EFCAB7: variants seen among roughly 807,000 people sequenced by gnomAD.
EFCAB7 encodes the protein EF-hand calcium-binding domain-containing protein 7.
Under a neutral mutation model 77.1 loss-of-function variants are expected in EFCAB7, and 66 were observed. The observed-to-expected ratio is 0.86, with a 90% CI of 0.70 to 1.05. EFCAB7 has a LOEUF of 1.05. EFCAB7 is among the 50% of genes least tolerant of loss of function. EFCAB7 has a pLI of 0.00. For synonymous variants in EFCAB7, 225 were observed against 243.3 expected (o/e 0.92, Z 0.70); for missense variants, 638 against 730.5 (o/e 0.87, Z 1.46).
At chr1:63,549,466 G>C (rs1288688834) in intron 7 of EFCAB7, 1 of 458,744 alleles carries the variant, frequency 2.2e-6, no homozygotes, top group East Asian at 7.0e-5. Context: ...TTACTCAGAG[G>C]ACTACAGGAG....
At chr1:63,552,858 G>T (rs1172769926) in intron 8 of EFCAB7, among the ~76,000 whole-genome samples, 4 of 152,156 alleles carry the variant, frequency 2.6e-5, no homozygotes, top group Non-Finnish European at 5.9e-5. Context: ...AATAAAATTG[G>T]CTGAAGTTAA....
chr1:63,580,330 C>T, the EFCAB7 span, among the ~76,000 whole-genome samples: 1 of 152,094 alleles, frequency 6.6e-6, no homozygotes, highest in African/African-American at 2.4e-5. Context: ...TATCCTTTCT[C>T]CATTAAATTG....
chr1:63,525,759 G>A lies in EFCAB7; in HGVS notation c.187G>A (p.Ala63Thr). ...TATTTCTAAAGATCAACTTTACTTA[G>A]GTAAATTTTTAAAATTTTTAAATCT... is the stretch of plus-strand genomic sequence containing the variant. Reference protein sequence around the residue: ...NIISKDQLYLALQHAGRNPSQ... With the variant: ...NIISKDQLYLTLQHAGRNPSQ... The change falls in exon 2 of 14, where the codon GCT (alanine) becomes ACT (threonine). Residue 63 changes from alanine to threonine, a missense_variant and splice_region_variant. Coordinates refer to ENST00000371088, the MANE Select transcript of EFCAB7 (RefSeq NM_032437.4). The A allele has an allele frequency of 6.5e-7, 1 of 1,545,974 alleles. No individual in the cohort carries two copies. Among genetic ancestry groups the A allele is most frequent in the Non-Finnish European group, 8.6e-7 (1 of 1,156,492 alleles).
intron 8 of EFCAB7, among the ~76,000 whole-genome samples, chr1:63,554,133 G>A (rs1342095609): frequency 6.6e-6 from 1 of 151,988 alleles, no homozygotes; most frequent in African/African-American, 2.4e-5. Flanking sequence ...TTATACCTGG[G>A]TTTTAAAAGG....
chr1:63,583,297 C>T, the EFCAB7 span, among the ~76,000 whole-genome samples: 2 of 152,098 alleles, frequency 1.3e-5, no homozygotes, highest in Non-Finnish European at 2.9e-5. Context: ...CCTTCAATGC[C>T]CTACCCTCCG....
chr1:63,555,141 A>G, intron 8 of EFCAB7: 1 of 337,400 alleles, frequency 3.0e-6, no homozygotes, highest in Non-Finnish European at 5.3e-6. Flanking sequence ...AAAATATATA[A>G]AGAACTGCTG....
rs766227990 is a variant in EFCAB7 at position 63,545,929 on chromosome 1, T to C, written c.818T>C (p.Met273Thr). ...EPNLIKDWQH[M>T]QSKGCFFLEE... is the part of the protein sequence containing the mutation. The stretch of plus-strand genomic sequence containing the variant: ...CCTTCATTTCAGGACTGGCAACACA[T>C]GCAATCAAAAGGTTGCTTCTTCTTA... Residue 273 changes from methionine to threonine, a missense_variant, in exon 7 of 14, where the codon ATG (methionine) becomes ACG (threonine). Met to Thr is a moderately conservative substitution (Grantham distance 81, BLOSUM62 -1). Transcript: ENST00000371088. 5.6e-6 allele frequency: 9 copies of C among 1,613,306 alleles called. No individual in the cohort carries two copies. In the African/African-American group the frequency reaches 1.2e-4, roughly 22 times the overall value.
At chr1:63,561,937 T>A (rs1207612363) in intron 11 of EFCAB7, 80 bp downstream of exon 11, 1 of 1,116,264 alleles carries the variant, frequency 9.0e-7, no homozygotes. Flanking sequence ...GACATATAAC[T>A]TTCGAATTGG....
chr1:63,570,166 C>T (rs182452059), intron 12 of EFCAB7: 1 of 152,332 alleles, frequency 6.6e-6, no homozygotes, highest in Admixed American at 6.5e-5. Flanking sequence ...AATGATTACA[C>T]AGCTAAGTAG....
Position 63,525,569 on chromosome 1 carries a change from T to C in EFCAB7, c.-1-3T>C. On this transcript the variant is annotated splice_region_variant and splice_polypyrimidine_tract_variant and intron_variant, in intron 1 of 13. Transcript: ENST00000371088. ...AACACATTTTTAAATTATTTTCCAA[T>C]AGAATGGCGATCAGTCCACGAAGCG... 1 of 1,483,726 alleles carries C rather than the reference T, an allele frequency of 6.7e-7. No homozygotes were observed. Among genetic ancestry groups the C allele is most frequent in the Non-Finnish European group, 8.9e-7 (1 of 1,121,062 alleles). The allele number at this position is 1,483,726 out of a possible 1,614,324, so 91.9% of individuals were successfully genotyped here.
chr1:63,568,601 G>A, intron 12 of EFCAB7, 82 bp downstream of exon 12: 3 of 1,077,824 alleles, frequency 2.8e-6, no homozygotes, highest in Non-Finnish European at 4.0e-6. Context: ...CTATTCGTAT[G>A]TGGTAATTAA....
chr1:63,538,911 T>C (rs565404710), intron 6 of EFCAB7, among the ~76,000 whole-genome samples: 3 of 152,352 alleles, frequency 2.0e-5, no homozygotes, highest in South Asian at 4.1e-4. Flanking sequence ...TTGGTTGATA[T>C]AAATAATGTG....
chr1:63,573,676 T>C (rs1647331926), downstream of EFCAB7, among the ~76,000 whole-genome samples: 1 of 151,860 alleles, frequency 6.6e-6, no homozygotes, highest in Admixed American at 6.6e-5. Flanking sequence ...GGATGACAAG[T>C]TTTTTGGGGC....
At chr1:63,528,445 G>T (rs1018796472) in intron 2 of EFCAB7, among the ~76,000 whole-genome samples, 1 of 152,004 alleles carries the variant, frequency 6.6e-6, no homozygotes, top group Admixed American at 6.6e-5. Flanking sequence ...GAAAGGTAGT[G>T]GGGGTAGGGG....
chr1:63,582,847 C>T, the EFCAB7 span, among the ~76,000 whole-genome samples: 2 of 152,190 alleles, frequency 1.3e-5, no homozygotes, highest in Non-Finnish European at 2.9e-5. Context: ...TCAGGTAATC[C>T]ACCCACCTCG....
At chr1:63,577,151 G>A (rs118162457), downstream of EFCAB7, among the ~76,000 whole-genome samples, 65 of 150,486 alleles carry the variant, frequency 4.3e-4, no homozygotes, top group East Asian at 8.6e-3. Flanking sequence ...AAAAAAAAGA[G>A]TACTTTTTTT....
the EFCAB7 span, among the ~76,000 whole-genome samples, chr1:63,581,382 TAAAAA>T: frequency 2.0e-5 from 2 of 99,030 alleles, no homozygotes; most frequent in East Asian, 3.3e-4. Flanking sequence ...TCCCGTCTCT[TAAAAA>T]AAAAAAAAAA....
At chr1:63,562,656 C>G (rs6689239) in intron 11 of EFCAB7, among the ~76,000 whole-genome samples, 6 of 148,748 alleles carry the variant, frequency 4.0e-5, no homozygotes, top group Non-Finnish European at 8.9e-5. Context: ...CATGCCCCCA[C>G]GCCCAGCTAA....
intron 6 of EFCAB7, among the ~76,000 whole-genome samples, chr1:63,537,839 C>T (rs1247798462): frequency 6.6e-6 from 1 of 152,094 alleles, no homozygotes; most frequent in Non-Finnish European, 1.5e-5. Flanking sequence ...TGAGTTCCTC[C>T]TCTGACTAAA....
Sources: allele counts gnomAD v4.1 joint callset (sites outside exome capture counted in the v4.1 genomes callset), GRCh38; gene constraint gnomAD v4.1.1; transcripts MANE v1.5; gene names NCBI Gene and HGNC (gene_info 2026-07-23, HGNC 2026-07-21).